The following FER variants were observed in gnomAD, a reference collection of about 807,000 sequenced individuals.
FER encodes the protein FER tyrosine kinase, also known as tyrosine-protein kinase Fer.
In FER, 63 loss-of-function variants were observed where a neutral mutation model predicts 111.0. That is an observed-to-expected ratio of 0.57 (90% CI 0.46 to 0.70). The LOEUF is 0.70. Among genes scored for constraint, FER ranks in the 30% least tolerant of loss-of-function variants. FER has a pLI of 0.00. For synonymous variants in FER, 327 were observed against 313.9 expected, an observed-to-expected ratio of 1.04 and a Z score of -0.44; for missense variants, 914 against 954.0, an observed-to-expected ratio of 0.96 and a Z score of 0.55.
chr5:109,177,176 C>A (rs759507151), intron 17 of FER, among the ~76,000 whole-genome samples: 1 of 151,928 alleles, frequency 6.6e-6, no homozygotes, highest in African/African-American at 2.4e-5. Context: ...GTAATGTCCC[C>A]CAAATATGCT....
At chr5:108,819,179 C>CTTTTTTT (rs775764459) in intron 3 of FER, among the ~76,000 whole-genome samples, 1 of 127,234 alleles carries the variant, frequency 7.9e-6, no homozygotes, top group Non-Finnish European at 1.6e-5. Flanking sequence ...CCATGCTCAG[C>CTTTTTTT]TTTTTTTTTT....
chr5:109,165,042 A>G (rs1411390393), intron 17 of FER, among the ~76,000 whole-genome samples: 2 of 152,140 alleles, frequency 1.3e-5, no homozygotes, highest in African/African-American at 4.8e-5. Flanking sequence ...CTATTTGATG[A>G]TGTATTATTT....
At chr5:109,098,938 G>A (rs1253460784) in intron 16 of FER, among the ~76,000 whole-genome samples, 2 of 151,584 alleles carry the variant, frequency 1.3e-5, no homozygotes, top group African/African-American at 4.8e-5. Context: ...TTAGGCAGAT[G>A]TTTATTTTCT....
intron 17 of FER, among the ~76,000 whole-genome samples, chr5:109,169,966 A>T (rs566670430): frequency 6.6e-6 from 1 of 152,196 alleles, no homozygotes; most frequent in Non-Finnish European, 1.5e-5. Flanking sequence ...GGTGCATTCC[A>T]CTATAATTAG....
intron 10 of FER, among the ~76,000 whole-genome samples, chr5:108,918,357 C>T (rs1302527678): frequency 6.6e-6 from 1 of 152,152 alleles, no homozygotes; most frequent in African/African-American, 2.4e-5. Context: ...TAGAATCCAT[C>T]AGTGAAAGTG....
chr5:108,997,896 C>T (rs982043730), intron 13 of FER, among the ~76,000 whole-genome samples: 1 of 152,132 alleles, frequency 6.6e-6, no homozygotes, highest in African/African-American at 2.4e-5. Context: ...TGGTAGGCTC[C>T]TCCCAGTTCG....
intron 9 of FER, among the ~76,000 whole-genome samples, chr5:108,886,655 G>C (rs1372534059): frequency 2.6e-5 from 4 of 151,462 alleles, no homozygotes; most frequent in Non-Finnish European, 4.4e-5. Flanking sequence ...TTATTTGCTT[G>C]ATCTTATGAT....
intron 5 of FER, among the ~76,000 whole-genome samples, chr5:108,865,110 C>A (rs1331305623): frequency 6.6e-6 from 1 of 152,146 alleles, no homozygotes; most frequent in Non-Finnish European, 1.5e-5. Flanking sequence ...ATTTTATTCT[C>A]TTTGAAGCAA....
chr5:109,013,607 G>T (rs548540240), intron 13 of FER, among the ~76,000 whole-genome samples: 46 of 150,802 alleles, frequency 3.1e-4, no homozygotes, highest in African/African-American at 9.3e-4. Context: ...TAATGGGATG[G>T]CTGGGTCAAA....
At chr5:109,131,087 G>T (rs1752308213) in intron 17 of FER, among the ~76,000 whole-genome samples, 1 of 152,152 alleles carries the variant, frequency 6.6e-6, no homozygotes, top group South Asian at 2.1e-4. Context: ...AAGGAAGTTA[G>T]AGAAGAGAGA....
rs958996294 is a variant in FER at position 109,113,965 on chromosome 5, C to T, written c.2048+13446C>T. ...GAAACAAGATTAAAAAAATAGAAAA[C>T]TATATATAATCAAGGCCTTAAGAAT... On this transcript the variant is annotated intron_variant, in intron 17 of 19. Transcript: ENST00000281092. 6.6e-5 allele frequency among the ~76,000 whole-genome samples: 10 copies of T among 151,940 alleles called. 1 individual carries two copies. The highest frequency in any genetic ancestry group is 5.3e-4 in the Admixed American group (8 of 15,224).
intron 1 of FER, among the ~76,000 whole-genome samples, chr5:108,758,416 T>G (rs1029121048): frequency 4.6e-5 from 7 of 152,196 alleles, no homozygotes; most frequent in Admixed American, 6.5e-5. Flanking sequence ...ATACTAGAAT[T>G]TTCACGATTC....
At chr5:108,996,159 T>C (rs577162383) in intron 13 of FER, among the ~76,000 whole-genome samples, 1 of 152,346 alleles carries the variant, frequency 6.6e-6, no homozygotes, top group African/African-American at 2.4e-5. Flanking sequence ...TTCTGGATAT[T>C]AGCCCTTTGT....
intron 13 of FER, among the ~76,000 whole-genome samples, chr5:109,017,271 A>G (rs1767274339): frequency 6.6e-6 from 1 of 152,062 alleles, no homozygotes; most frequent in African/African-American, 2.4e-5. Context: ...AAATTTTTCA[A>G]AAAGATATGT....
intron 9 of FER, among the ~76,000 whole-genome samples, chr5:108,890,029 T>C (rs1747790460): frequency 6.6e-6 from 1 of 151,986 alleles, no homozygotes; most frequent in African/African-American, 2.4e-5. Context: ...ATACTGACAT[T>C]ATGCAGTTAA....
intron 2 of FER, among the ~76,000 whole-genome samples, chr5:108,794,384 A>G (rs957955858): frequency 1.3e-5 from 2 of 151,548 alleles, no homozygotes; most frequent in Non-Finnish European, 2.9e-5. Flanking sequence ...CGCCCAGCTA[A>G]TTTTTTGTAC....
intron 13 of FER, among the ~76,000 whole-genome samples, chr5:109,009,038 T>C (rs1765877426): frequency 6.8e-6 from 1 of 147,596 alleles, no homozygotes; most frequent in Admixed American, 7.0e-5. Context: ...AGTCTTCCTC[T>C]TCAGTCTTTT....
chr5:108,897,141 A>G (rs1206546283), intron 9 of FER, among the ~76,000 whole-genome samples: 1 of 152,224 alleles, frequency 6.6e-6, no homozygotes, highest in Non-Finnish European at 1.5e-5. Context: ...TCCTCCAGTT[A>G]CATCTTAGCC....
intron 3 of FER, chr5:108,819,850 C>T (rs1229506412): frequency 1.0e-6 from 1 of 984,836 alleles, no homozygotes; most frequent in East Asian, 1.1e-4. Flanking sequence ...ATTTTTTTCC[C>T]CCAGAAGTCT....
Sources: allele counts gnomAD v4.1 joint callset (sites outside exome capture counted in the v4.1 genomes callset), GRCh38; gene constraint gnomAD v4.1.1; transcripts MANE v1.5; gene names NCBI Gene and HGNC (gene_info 2026-07-23, HGNC 2026-07-21).